NEK9: variants seen among roughly 807,000 people sequenced by gnomAD.
NEK9 encodes serine/threonine-protein kinase Nek9.
A neutral mutation model predicts 123.4 loss-of-function variants in NEK9; 75 were observed. The observed-to-expected ratio is 0.61, with a 90% CI of 0.50 to 0.74. NEK9 has a LOEUF of 0.74. Ranked by LOEUF, NEK9 falls within the 30% of genes least tolerant of loss-of-function variation. The pLI is 0.00. For missense variants in NEK9, 952 were observed against 1,214.4 expected, an observed-to-expected ratio of 0.78 and a Z score of 3.21; for synonymous variants, 438 against 458.7, an observed-to-expected ratio of 0.95 and a Z score of 0.58.
In NEK9 at chr14:75,126,818, C is replaced by T; in HGVS notation, c.104G>A (p.Ser35Asn). ...GCCGCCGCCGGCTCGCGGCCCCTGA[C>T]TGGCGCTAGGCCCCGGACTCGAGTC... ...CGDSSPGPSA[S>N]QGPRAGGGAA... Residue 35 changes from serine (S) to asparagine (N), a missense_variant, in exon 1 of 22, where the codon AGT becomes AAT. This residue lies in a region of NEK9 where 120 missense variants were observed against 97.6 expected (regional missense o/e 1.23). Transcript: ENST00000238616. The T allele has an allele frequency of 6.5e-7, 1 of 1,533,628 alleles. No individual in the cohort carries two copies. The highest frequency in any genetic ancestry group is 8.8e-7 in the Non-Finnish European group (1 of 1,140,786).
At chr14:75,100,961 A>T (rs1470546420) in intron 16 of NEK9, 31 bp downstream of exon 16, 1 of 1,600,134 alleles carries the variant, frequency 6.2e-7, no homozygotes, top group African/African-American at 1.3e-5. Context: ...CCATGTGTCC[A>T]GAAAGCTTGA....
chr14:75,111,855 C>T (rs896521067), intron 8 of NEK9, among the ~76,000 whole-genome samples: 3 of 152,078 alleles, frequency 2.0e-5, no homozygotes, highest in African/African-American at 7.2e-5. Context: ...TACGCCACTG[C>T]ACTCCAGCCT....
rs1039543109 is a variant in NEK9 at position 75,121,182 on chromosome 14, T to G, written c.398-8A>C. On this transcript the variant is annotated splice_region_variant and splice_polypyrimidine_tract_variant and intron_variant, in intron 2 of 21. Transcript: ENST00000238616. ...TGTCATACAGGTTCCCTCCTGCAAT[T>G]AAACAAGACACAGATTTGAATTGCT... is the stretch of plus-strand genomic sequence containing the variant. 6.2e-7 allele frequency: 1 copy of G among 1,611,884 alleles called. No individual in the cohort carries two copies. Among genetic ancestry groups the G allele is most frequent in the African/African-American group, 1.3e-5 (1 of 75,014 alleles).
chr14:75,097,960 A>C (rs1409007886), intron 16 of NEK9, among the ~76,000 whole-genome samples: 1 of 152,248 alleles, frequency 6.6e-6, no homozygotes, highest in Non-Finnish European at 1.5e-5. Flanking sequence ...GGTCCTGCTC[A>C]CATAGGGCCA....
chr14:75,080,634 C>T lies in NEK9; in HGVS notation c.*3930G>A, dbSNP rs973328289. ...AAAAATGTATGCAGATGTGCCGAGA[C>T]AGTATTTCTTTTTTTTTTTTTTTGA... On this transcript the variant is annotated 3_prime_UTR_variant, in exon 22 of 22. Transcript: ENST00000238616. 6.6e-6 allele frequency: 1 copy of T among 151,668 alleles called. No individual in the cohort carries two copies. The highest frequency in any genetic ancestry group is 2.4e-5 in the African/African-American group (1 of 41,310). 9.4% of individuals were successfully genotyped at this position (151,668 alleles called of 1,614,324 possible).
Position 75,115,043 on chromosome 14 carries a change from A to G in NEK9, c.763-730T>C, listed in dbSNP as rs374182277. Among the ~76,000 whole-genome samples the G allele has an allele frequency of 5.7e-4, 85 of 148,580 alleles. 1 individual carries two copies. Among genetic ancestry groups the G allele is most frequent in the South Asian group, 5.6e-3 (26 of 4,648 alleles). ...TATATGTGTATATATGTATATGTGC[A>G]TGTGTACATGTACACACACGTGTGT... is the stretch of plus-strand genomic sequence containing the variant. On this transcript the variant is annotated intron_variant, in intron 6 of 21. Transcript: ENST00000238616.
At chr14:75,123,608 T>C (rs1427494464) in intron 2 of NEK9, among the ~76,000 whole-genome samples, 2 of 152,160 alleles carry the variant, frequency 1.3e-5, no homozygotes, top group Non-Finnish European at 2.9e-5. Flanking sequence ...TGCTTTACTA[T>C]ATATTACTTT....
rs1893921617 is a variant in NEK9 at position 75,083,320 on chromosome 14, GTTC to G, written c.*1241_*1243del. 1 of 380,392 alleles carries G rather than the reference GTTC, an allele frequency of 2.6e-6. No homozygotes were observed. The highest frequency in any genetic ancestry group is 4.6e-6 in the Non-Finnish European group (1 of 215,156). The allele number at this position is 380,392 out of a possible 1,614,324, so 23.6% of individuals were successfully genotyped here. A position where few individuals can be genotyped will look rare whatever the true frequency, so the allele number is the denominator to read the frequency against. On this transcript the variant is annotated 3_prime_UTR_variant, in exon 22 of 22. Coordinates refer to ENST00000238616, the MANE Select transcript of NEK9 (RefSeq NM_033116.6). The stretch of plus-strand genomic sequence containing the variant: ...CCTAGAACTTTCTATATGAAGTTTT[GTTC>G]TTCTATGACACTATTTCTCTTTGGT...
chr14:75,086,110 AC>A (rs1390297372), intron 21 of NEK9, among the ~76,000 whole-genome samples: 2 of 150,122 alleles, frequency 1.3e-5, no homozygotes, highest in Non-Finnish European at 3.0e-5. Context: ...AATCACTTGA[AC>A]CCGGGCGGTG....
At chr14:75,107,980 G>A (rs1261441658) in intron 10 of NEK9, among the ~76,000 whole-genome samples, 2 of 152,046 alleles carry the variant, frequency 1.3e-5, no homozygotes, top group African/African-American at 2.4e-5. Context: ...GCTTTCTACA[G>A]GAATATAGCT....
At position 75,109,628 on chromosome 14, in the gene NEK9, G is replaced by C. The variant is rs1894892587; in HGVS notation, c.1182+57C>G. 6.7e-6 allele frequency: 10 copies of C among 1,485,272 alleles called. No individual in the cohort carries two copies. The South Asian group carries it at 8.4e-5, about 12-fold the overall frequency. 92.0% of individuals were successfully genotyped at this position (1,485,272 alleles called of 1,614,324 possible). A position where few individuals can be genotyped will look rare whatever the true frequency, so the allele number is the denominator to read the frequency against. Reference sequence around the variant, plus strand: ...ACTAATAAAATGCTTAGACATCGTGGGCCCAGTAAACAATTAGGCTTACAG... The same window carrying C: ...ACTAATAAAATGCTTAGACATCGTGCGCCCAGTAAACAATTAGGCTTACAG... On this transcript the variant is annotated intron_variant, in intron 10 of 21. Transcript: ENST00000238616.
At chr14:75,114,344 G>C (rs745495554) in intron 6 of NEK9, 31 bp from the exon 7 acceptor site, 2 of 1,530,306 alleles carry the variant, frequency 1.3e-6, no homozygotes, top group Admixed American at 1.7e-5. Flanking sequence ...CATTGTTCCT[G>C]GTTATATAAA....
At chr14:75,085,829 G>A (rs1019924352) in intron 21 of NEK9, among the ~76,000 whole-genome samples, 1 of 152,190 alleles carries the variant, frequency 6.6e-6, no homozygotes, top group Non-Finnish European at 1.5e-5. Context: ...AGTCAAGGCT[G>A]CAGTGATCCA....
rs949335522 is a variant in NEK9, at chr14:75,079,940, C to A, written c.*4624G>T. On this transcript the variant is annotated 3_prime_UTR_variant, in exon 22 of 22. Transcript: ENST00000238616. ...TGGGGAGTGCTTTCTAAAAAGGAAG[C>A]AGTTGTTTGCTCTCATTTTGCTAAA... 1 of 152,208 alleles carries A rather than the reference C, an allele frequency of 6.6e-6. No individual in the cohort carries two copies. The highest frequency in any genetic ancestry group is 1.5e-5 in the Non-Finnish European group (1 of 68,034). 9.4% of individuals were successfully genotyped at this position (152,208 alleles called of 1,614,324 possible). A position where few individuals can be genotyped will look rare whatever the true frequency, so the allele number is the denominator to read the frequency against.
intron 7 of NEK9, among the ~76,000 whole-genome samples, chr14:75,113,725 C>T (rs186777936): frequency 1.3e-5 from 2 of 152,224 alleles, no homozygotes; most frequent in African/African-American, 2.4e-5. Flanking sequence ...TGATTGAGTT[C>T]GTCTGGGGTG....
intron 14 of NEK9, among the ~76,000 whole-genome samples, chr14:75,102,606 C>A (rs1314667347): frequency 6.6e-6 from 1 of 152,122 alleles, no homozygotes; most frequent in East Asian, 1.9e-4. Flanking sequence ...CCCGCCTCAG[C>A]CTCCCAAAGT....
At chr14:75,088,182 AACCT>A (rs1400773079) in intron 20 of NEK9, among the ~76,000 whole-genome samples, 1 of 152,200 alleles carries the variant, frequency 6.6e-6, no homozygotes, top group Non-Finnish European at 1.5e-5. Context: ...TAGAGCCTCT[AACCT>A]ACCCTGCCAG....
At chr14:75,120,696 T>A in intron 3 of NEK9, 116 bp from the exon 4 acceptor site, 1 of 773,014 alleles carries the variant, frequency 1.3e-6, no homozygotes, top group Non-Finnish European at 2.1e-6. Flanking sequence ...TGATTCAACA[T>A]GACTTGACAT....
At position 75,082,942 on chromosome 14, in the gene NEK9, T is replaced by C. The variant is rs765860340; in HGVS notation, c.*1622A>G. On this transcript the variant is annotated 3_prime_UTR_variant, in exon 22 of 22. Coordinates refer to ENST00000238616, the MANE Select transcript of NEK9 (RefSeq NM_033116.6). ...TTCAGTGATTACATTAGTACTAATG[T>C]ACTAGGCTTCCCAGAACTGAGAAAA... is the stretch of plus-strand genomic sequence containing the variant. The C allele has an allele frequency of 7.5e-6, 3 of 398,640 alleles. No individual in the cohort carries two copies. The highest frequency in any genetic ancestry group is 1.3e-5 in the Non-Finnish European group (3 of 226,070). 24.7% of individuals were successfully genotyped at this position (398,640 alleles called of 1,614,324 possible).
Sources: allele counts gnomAD v4.1 joint callset (sites outside exome capture counted in the v4.1 genomes callset), GRCh38; gene constraint gnomAD v4.1.1; regional missense constraint gnomAD v4.1.1; transcripts MANE v1.5; gene names NCBI Gene and HGNC (gene_info 2026-07-23, HGNC 2026-07-21).